METTL15: variants seen among roughly 807,000 people sequenced by gnomAD.
METTL15 encodes the protein methyltransferase 15, mitochondrial 12S rRNA N4-cytidine.
A neutral mutation model predicts 38.3 loss-of-function variants in METTL15; 34 were observed. That is an observed-to-expected ratio of 0.89 (90% CI 0.68 to 1.18). METTL15 has a LOEUF of 1.18. METTL15 is among the 50% of genes most tolerant of loss of function. METTL15 has a pLI of 0.00. For synonymous variants in METTL15, 162 were observed against 170.9 expected (o/e 0.95, Z 0.41); for missense variants, 438 against 498.4 (o/e 0.88, Z 1.15).
In METTL15 at chr11:28,332,113, G is replaced by C. The variant is rs1849832611; in HGVS notation, c.*1272G>C. 1 of 152,106 alleles carries C rather than the reference G, an allele frequency of 6.6e-6. No individual in the cohort carries two copies. Among genetic ancestry groups the C allele is most frequent in the African/African-American group, 2.4e-5 (1 of 41,422 alleles). 9.4% of individuals were successfully genotyped at this position (152,106 alleles called of 1,614,324 possible). On this transcript the variant is annotated 3_prime_UTR_variant, in exon 7 of 7. Transcript: ENST00000407364. Reference sequence around the variant, plus strand: ...GAATTAAATGCATGAATTTTCCTCAGACTTATTTTATCTGCCTCTGTAATA... The same window carrying C: ...GAATTAAATGCATGAATTTTCCTCACACTTATTTTATCTGCCTCTGTAATA...
chr11:28,259,892 G>A (rs1855129613), intron 4 of METTL15, among the ~76,000 whole-genome samples: 1 of 152,104 alleles, frequency 6.6e-6, no homozygotes, highest in African/African-American at 2.4e-5. Flanking sequence ...CATCAGTAGA[G>A]CCTTCTATTC....
intron 3 of METTL15, among the ~76,000 whole-genome samples, chr11:28,177,665 T>C (rs1312502468): frequency 6.6e-6 from 1 of 151,972 alleles, no homozygotes; most frequent in Non-Finnish European, 1.5e-5. Flanking sequence ...ATGTTGAATG[T>C]TTTCTACATT....
rs796608808 is a variant in METTL15 at position 28,264,933 on chromosome 11, AT to A, written c.408-25265del. On this transcript the variant is annotated intron_variant, in intron 4 of 6. Coordinates refer to ENST00000407364, the MANE Select transcript of METTL15 (RefSeq NM_001113528.2). ...ATAAGTGATATGTATGGGAGGAAATATTTTTTTTATTAATCTAAGAATTTAT... is the reference window on the plus strand; with the variant it reads ...ATAAGTGATATGTATGGGAGGAAATATTTTTTTATTAATCTAAGAATTTAT... Among the ~76,000 whole-genome samples the A allele has an allele frequency of 1.0e-3, 153 of 151,482 alleles. 1 individual carries two copies. Among genetic ancestry groups the A allele is most frequent in the African/African-American group, 3.4e-3 (143 of 41,452 alleles).
chr11:28,380,740 A>AAAAG (rs1210203007), intron 5 of METTL15, among the ~76,000 whole-genome samples: 1 of 152,234 alleles, frequency 6.6e-6, no homozygotes, highest in Non-Finnish European at 1.5e-5. Flanking sequence ...TCTTAGATTA[A>AAAAG]AAAGAATGGA....
intron 6 of METTL15, among the ~76,000 whole-genome samples, chr11:28,453,592 C>T (rs1851142212): frequency 6.6e-6 from 1 of 152,216 alleles, no homozygotes. Context: ...TGTGTTTCTA[C>T]TGGGCCTTTC....
At chr11:28,338,758 G>A (rs1849923701) in intron 3 of METTL15, among the ~76,000 whole-genome samples, 1 of 152,122 alleles carries the variant, frequency 6.6e-6, no homozygotes, top group African/African-American at 2.4e-5. Context: ...GAATCAAGGT[G>A]TTAAAATTGA....
intron 6 of METTL15, among the ~76,000 whole-genome samples, chr11:28,324,059 A>G (rs1369912739): frequency 1.3e-5 from 2 of 152,224 alleles, no homozygotes; most frequent in Non-Finnish European, 2.9e-5. Flanking sequence ...ACATGAAAAC[A>G]TCTTCCCATT....
At position 28,126,270 on chromosome 11, in the gene METTL15, T is replaced by A. The variant is rs1348868064; in HGVS notation, c.270+12666T>A. Among the ~76,000 whole-genome samples the A allele has an allele frequency of 2.6e-5, 4 of 152,190 alleles. No individual in the cohort carries two copies. In the East Asian group the frequency reaches 7.7e-4, roughly 29 times the overall value. On this transcript the variant is annotated intron_variant, in intron 3 of 6. Coordinates refer to ENST00000407364, the MANE Select transcript of METTL15 (RefSeq NM_001113528.2). ...TCAAATGTTTGGTATCCTCCTTCCTTGCTTGTTTGTTTGTTTTTTCCTTAG... is the reference window on the plus strand; with the variant it reads ...TCAAATGTTTGGTATCCTCCTTCCTAGCTTGTTTGTTTGTTTTTTCCTTAG...
chr11:28,415,692 A>G (rs1189166635), intron 5 of METTL15, among the ~76,000 whole-genome samples: 2 of 152,206 alleles, frequency 1.3e-5, no homozygotes, highest in Admixed American at 6.5e-5. Context: ...TGATACTGGA[A>G]GAGTTGATTT....
At chr11:28,350,301 T>G (rs1322884442) in intron 3 of METTL15, among the ~76,000 whole-genome samples, 1 of 152,146 alleles carries the variant, frequency 6.6e-6, no homozygotes, top group Non-Finnish European at 1.5e-5. Context: ...AGAGGATAAT[T>G]TTAGATGTAT....
chr11:28,527,534 C>A (rs972088093), downstream of METTL15, among the ~76,000 whole-genome samples: 1 of 152,174 alleles, frequency 6.6e-6, no homozygotes, highest in Non-Finnish European at 1.5e-5. Flanking sequence ...CAGTCAGTAT[C>A]CTTGTGGAGC....
intron 4 of METTL15, among the ~76,000 whole-genome samples, chr11:28,230,446 G>A (rs1042908629): frequency 5.3e-5 from 8 of 151,774 alleles, no homozygotes; most frequent in East Asian, 1.9e-4. Context: ...TATTGCCTAC[G>A]TCATTTGAAC....
At chr11:28,304,771 T>A (rs1285228824) in intron 6 of METTL15, among the ~76,000 whole-genome samples, 2 of 152,178 alleles carry the variant, frequency 1.3e-5, no homozygotes, top group Non-Finnish European at 2.9e-5. Context: ...TATCTTTTAG[T>A]TGGAACATAA....
intron 3 of METTL15, among the ~76,000 whole-genome samples, chr11:28,348,208 C>T (rs549633683): frequency 1.5e-4 from 23 of 152,116 alleles, no homozygotes; most frequent in African/African-American, 4.6e-4. Flanking sequence ...CGTTCTTTAC[C>T]TCATTTTGAC....
intron 4 of METTL15, among the ~76,000 whole-genome samples, chr11:28,237,563 CG>C (rs1246000565): frequency 6.6e-6 from 1 of 152,122 alleles, no homozygotes; most frequent in African/African-American, 2.4e-5. Context: ...TCTTGTAGCT[CG>C]GAATAGTTTG....
chr11:28,161,107 CT>C (rs10660185), intron 3 of METTL15, among the ~76,000 whole-genome samples: 14,967 of 131,308 alleles, frequency 0.11, 445 homozygotes, highest in East Asian at 0.24. Flanking sequence ...TTGCACCTTC[CT>C]TTTTTTTTTT....
intron 6 of METTL15, among the ~76,000 whole-genome samples, chr11:28,517,794 A>T (rs1269517512): frequency 6.6e-6 from 1 of 152,200 alleles, no homozygotes; most frequent in Non-Finnish European, 1.5e-5. Flanking sequence ...ATTTTTCAGA[A>T]ACCTCAGGGA....
At chr11:28,430,810 G>T (rs1850917073) in intron 6 of METTL15, among the ~76,000 whole-genome samples, 1 of 89,522 alleles carries the variant, frequency 1.1e-5, no homozygotes, top group Non-Finnish European at 2.5e-5. Context: ...GGGAAGTGAG[G>T]AGCCCCTCTG....
At chr11:28,451,737 T>C (rs1426523634) in intron 6 of METTL15, among the ~76,000 whole-genome samples, 2 of 152,216 alleles carry the variant, frequency 1.3e-5, no homozygotes, top group Non-Finnish European at 2.9e-5. Flanking sequence ...CCTTCACTGC[T>C]CACCCTATTA....
Sources: gnomAD v4.1 joint callset for allele counts (sites outside exome capture counted in the v4.1 genomes callset) on GRCh38, gnomAD v4.1.1 for gene constraint, MANE v1.5 for transcripts, NCBI Gene and HGNC (gene_info 2026-07-23, HGNC 2026-07-21) for gene names.